Variants in ZNF626 observed in about 807,000 individuals in gnomAD.
ZNF626 encodes CTC-513N18.7.
A neutral mutation model predicts 11.7 loss-of-function variants in ZNF626; 4 were observed. The observed-to-expected ratio is 0.34, with a 90% confidence interval of 0.17 to 0.78. The LOEUF (loss-of-function observed/expected upper bound fraction) is 0.78. ZNF626 is among the 30% of genes least tolerant of loss of function. The pLI is 0.57. For missense variants in ZNF626, 588 were observed against 587.1 expected (o/e 1.00, Z -0.01); for synonymous variants, 179 against 198.6 (o/e 0.90, Z 0.83).
intron 1 of ZNF626, among the ~76,000 whole-genome samples, chr19:20,652,065 T>C (rs564906595): frequency 6.6e-6 from 1 of 152,338 alleles, no homozygotes; most frequent in East Asian, 1.9e-4. Flanking sequence ...GTAAGCTGTC[T>C]AGGTTGACAT....
At chr19:20,627,683 T>C (rs1159530945) in intron 3 of ZNF626, among the ~76,000 whole-genome samples, 1 of 151,954 alleles carries the variant, frequency 6.6e-6, no homozygotes, top group Non-Finnish European at 1.5e-5. Context: ...AAATCAAGAG[T>C]CAACTTGCCT....
intron 2 of ZNF626, among the ~76,000 whole-genome samples, chr19:20,645,989 G>A (rs891707492): frequency 6.6e-6 from 1 of 152,048 alleles, no homozygotes; most frequent in African/African-American, 2.4e-5. Flanking sequence ...TCAAAAATTG[G>A]TGGTGGCAAT....
At chr19:20,631,116 T>A (rs1190182543) in intron 3 of ZNF626, among the ~76,000 whole-genome samples, 1 of 152,222 alleles carries the variant, frequency 6.6e-6, no homozygotes, top group Non-Finnish European at 1.5e-5. Context: ...AGTTCTAGTT[T>A]GACTGCACTG....
intron 3 of ZNF626, among the ~76,000 whole-genome samples, chr19:20,644,124 C>T (rs1970050625): frequency 1.3e-5 from 2 of 152,300 alleles, no homozygotes; most frequent in Admixed American, 1.3e-4. Flanking sequence ...GCCTGCATAC[C>T]TTGGCCTTTA....
chr19:20,660,243 TA>T (rs35231346), intron 1 of ZNF626, among the ~76,000 whole-genome samples: 6,631 of 104,754 alleles, frequency 0.063, 220 homozygotes, highest in African/African-American at 0.12. Context: ...ACACTGTGTC[TA>T]AAAAAAAAAA....
At chr19:20,656,067 G>C (rs1374914290) in intron 1 of ZNF626, among the ~76,000 whole-genome samples, 2 of 152,116 alleles carry the variant, frequency 1.3e-5, no homozygotes, top group Non-Finnish European at 2.9e-5. Context: ...AACCAGAAGA[G>C]AGAAAGATAT....
chr19:20,644,382 T>C (rs1970053016), intron 3 of ZNF626, among the ~76,000 whole-genome samples: 1 of 152,080 alleles, frequency 6.6e-6, no homozygotes, highest in African/African-American at 2.4e-5. Context: ...AAAAATAAAA[T>C]GGAAATTACA....
In ZNF626 at chr19:20,624,748, C is replaced by T. The variant is rs782313859; in HGVS notation, c.1129G>A (p.Ala377Thr). The change falls in exon 4 of 4, where the codon GCC becomes ACC. Residue 377 changes from alanine (A) to threonine (T), a missense_variant. Coordinates refer to ENST00000601440, the MANE Select transcript of ZNF626 (RefSeq NM_001076675.3). ...KPYKCEECGK[A>T]FKRSSDLTTH... ...GTAAGGTCTGAAGACCGCTTGAAGG[C>T]TTTGCCACATTCTTCACATTTGTAG... 5 of 1,613,344 alleles carry T rather than the reference C, an allele frequency of 3.1e-6. No homozygotes were observed. The highest frequency in any genetic ancestry group is 1.7e-4 in the Middle Eastern group (1 of 6,060).
intron 3 of ZNF626, 143 bp from the exon 4 acceptor site, chr19:20,625,793 A>G: frequency 1.1e-6 from 1 of 923,964 alleles, no homozygotes; most frequent in Non-Finnish European, 1.5e-6. Flanking sequence ...TTCTTCCTGG[A>G]CATATGAATT....
intron 1 of ZNF626, among the ~76,000 whole-genome samples, chr19:20,650,326 A>G (rs1970132675): frequency 6.6e-6 from 1 of 152,156 alleles, no homozygotes; most frequent in South Asian, 2.1e-4. Flanking sequence ...AATGTAGTTC[A>G]GAGAAAATTT....
At chr19:20,647,487 T>G (rs1338642280) in intron 1 of ZNF626, among the ~76,000 whole-genome samples, 2 of 118,744 alleles carry the variant, frequency 1.7e-5, no homozygotes, top group East Asian at 4.1e-4. Flanking sequence ...GACAATGGTT[T>G]TTTTTTTTTT....
chr19:20,628,401 G>C (rs573911742), intron 3 of ZNF626, among the ~76,000 whole-genome samples: 7 of 152,224 alleles, frequency 4.6e-5, no homozygotes, highest in Non-Finnish European at 1.0e-4. Flanking sequence ...CACCAACAGT[G>C]TAAAAGTGTT....
intron 1 of ZNF626, among the ~76,000 whole-genome samples, chr19:20,647,884 C>T (rs780926945): frequency 6.6e-6 from 1 of 152,106 alleles, no homozygotes; most frequent in African/African-American, 2.4e-5. Flanking sequence ...CCGAATGTAA[C>T]CATAAACATC....
intron 3 of ZNF626, among the ~76,000 whole-genome samples, chr19:20,642,582 C>T (rs962789935): frequency 6.6e-6 from 1 of 151,414 alleles, no homozygotes; most frequent in Non-Finnish European, 1.5e-5. Flanking sequence ...AGCAACATGG[C>T]GAAACTTCCT....
chr19:20,661,425 G>A lies in ZNF626; in HGVS notation c.3+19C>T. On this transcript the variant is annotated intron_variant, in intron 1 of 3. Coordinates refer to ENST00000601440, the MANE Select transcript of ZNF626 (RefSeq NM_001076675.3). ...ACCAGTCCCTCTCCTCTCTCGGGAT[G>A]TCGGACCCTCACTCTCACCATTTTT... 1.2e-6 allele frequency: 2 copies of A among 1,613,884 alleles called. No individual in the cohort carries two copies.
At chr19:20,640,690 C>T (rs1970015174) in intron 3 of ZNF626, among the ~76,000 whole-genome samples, 1 of 150,022 alleles carries the variant, frequency 6.7e-6, no homozygotes, top group African/African-American at 2.5e-5. Context: ...AACAAAATCA[C>T]CTCACACACA....
At position 20,625,663 on chromosome 19, in the gene ZNF626, A is replaced by G. The variant is rs1969821786; in HGVS notation, c.227-13T>C. ...TGAGAACACATTACTGAAAGAAACA[A>G]TAAAAACACATTACTTCAATTGGTA... On this transcript the variant is annotated splice_polypyrimidine_tract_variant and intron_variant, in intron 3 of 3. Coordinates refer to ENST00000601440, the MANE Select transcript of ZNF626 (RefSeq NM_001076675.3). 1 of 1,518,718 alleles carries G rather than the reference A, an allele frequency of 6.6e-7. No individual in the cohort carries two copies. Among genetic ancestry groups the G allele is most frequent in the Non-Finnish European group, 8.8e-7 (1 of 1,138,454 alleles). The allele number at this position is 1,518,718 out of a possible 1,614,324, so 94.1% of individuals were successfully genotyped here.
At chr19:20,625,714 A>G (rs1184994725) in intron 3 of ZNF626, 64 bp from the exon 4 acceptor site, 6 of 1,446,684 alleles carry the variant, frequency 4.1e-6, no homozygotes, top group Admixed American at 5.1e-5. Flanking sequence ...AAATATATAT[A>G]TGCAGTTTGT....
intron 1 of ZNF626, among the ~76,000 whole-genome samples, chr19:20,661,046 T>C (rs274799): frequency 0.031 from 4,754 of 152,288 alleles, 130 homozygotes; most frequent in South Asian, 0.12. Context: ...TCCGGCCCCA[T>C]ACATTTTTAA....
Sources: gnomAD v4.1 joint callset for allele counts (sites outside exome capture counted in the v4.1 genomes callset) on GRCh38, gnomAD v4.1.1 for gene constraint, MANE v1.5 for transcripts, NCBI Gene and HGNC (gene_info 2026-07-23, HGNC 2026-07-21) for gene names.